Variants in DTNA observed in about 807,000 individuals in gnomAD.
The protein encoded by DTNA is dystrobrevin alpha, also known as dystrophin-related protein 3.
DTNA carries 43 observed loss-of-function variants against 100.7 expected under a neutral mutation model. The ratio of observed to expected loss-of-function variants is 0.43; its 90% CI spans 0.33 to 0.55. DTNA has a LOEUF of 0.55. DTNA is among the 20% of genes least tolerant of loss of function. DTNA has a pLI of 0.04. For missense variants in DTNA, 798 were observed against 953.9 expected (o/e 0.84, Z 2.15); for synonymous variants, 349 against 347.9 (o/e 1.00, Z -0.04).
intron 16 of DTNA, among the ~76,000 whole-genome samples, chr18:34,859,418 A>G (rs1168946475): frequency 5.9e-5 from 9 of 152,202 alleles, no homozygotes; most frequent in Admixed American, 5.2e-4. Flanking sequence ...TAAATACCCT[A>G]TGGAGGTTTC....
rs762579551 is a variant in DTNA at position 34,848,346 on chromosome 18, G to A, written c.1397G>A (p.Arg466Lys). The change falls in exon 14 of 23, where the codon AGG becomes AAG. Residue 466 changes from arginine (R) to lysine (K), a missense_variant. Around this residue, in one of 6 missense-constraint regions of DTNA, gnomAD observed 159 missense variants for 201.2 expected, o/e 0.79. Coordinates refer to ENST00000444659, the MANE Select transcript of DTNA (RefSeq NM_001386795.1). ...GATGAAGAACACAGGCTAATTGCCAGGTATGCGGCAAGGCTGGCAGCAGAG... is the reference window on the plus strand; with the variant it reads ...GATGAAGAACACAGGCTAATTGCCAAGTATGCGGCAAGGCTGGCAGCAGAG... Reference protein sequence around the residue: ...RLDEEHRLIARYAARLAAESS... With the variant: ...RLDEEHRLIAKYAARLAAESS... The A allele has an allele frequency of 6.2e-7, 1 of 1,614,076 alleles. No individual in the cohort carries two copies. The highest frequency in any genetic ancestry group is 8.5e-7 in the Non-Finnish European group (1 of 1,179,956).
chr18:34,722,036 T>C (rs2085448778), intron 1 of DTNA, among the ~76,000 whole-genome samples: 1 of 152,148 alleles, frequency 6.6e-6, no homozygotes, highest in Non-Finnish European at 1.5e-5. Context: ...TCCCCTTTCC[T>C]TATACTCCTT....
intron 1 of DTNA, among the ~76,000 whole-genome samples, chr18:34,626,850 A>C (rs1003421806): frequency 3.3e-5 from 5 of 152,204 alleles, no homozygotes; most frequent in Non-Finnish European, 5.9e-5. Flanking sequence ...TTATTGTTTA[A>C]GGGTGTCTCA....
Position 34,890,652 on chromosome 18 carries a change from C to A in DTNA, c.*2918C>A. On this transcript the variant is annotated 3_prime_UTR_variant, in exon 23 of 23. Transcript: ENST00000444659. ...AAGGTGAAATCTACTGCATGGGATTCAGGAAACAGTTGTGGTTGGTCAGGA... is the reference window on the plus strand; with the variant it reads ...AAGGTGAAATCTACTGCATGGGATTAAGGAAACAGTTGTGGTTGGTCAGGA... 1 of 792,078 alleles carries A rather than the reference C, an allele frequency of 1.3e-6. No homozygotes were observed. The highest frequency in any genetic ancestry group is 2.8e-5 in the East Asian group (1 of 36,024). 49.1% of individuals were successfully genotyped at this position (792,078 alleles called of 1,614,324 possible).
chr18:34,837,195 G>A (rs1002125572), intron 11 of DTNA, among the ~76,000 whole-genome samples: 20 of 152,208 alleles, frequency 1.3e-4, no homozygotes, highest in African/African-American at 4.6e-4. Flanking sequence ...TCACCAGTGT[G>A]CAGGACAAAT....
At chr18:34,614,356 A>G (rs770179082) in intron 1 of DTNA, among the ~76,000 whole-genome samples, 4 of 152,218 alleles carry the variant, frequency 2.6e-5, no homozygotes, top group African/African-American at 4.8e-5. Flanking sequence ...TCTGTAGACC[A>G]TAGATCAAGA....
intron 4 of DTNA, among the ~76,000 whole-genome samples, chr18:34,802,144 T>C (rs2095237620): frequency 6.6e-6 from 1 of 152,268 alleles, no homozygotes; most frequent in Non-Finnish European, 1.5e-5. Flanking sequence ...ACTTTTTCTG[T>C]GCACTTCCTG....
chr18:34,662,494 G>C (rs182265578), intron 1 of DTNA, among the ~76,000 whole-genome samples: 13 of 152,234 alleles, frequency 8.5e-5, no homozygotes, highest in African/African-American at 2.9e-4. Flanking sequence ...TCTCATGACT[G>C]ATTACCCAAG....
intron 1 of DTNA, among the ~76,000 whole-genome samples, chr18:34,722,602 T>TACACACAC (rs1299705114): frequency 2.3e-5 from 3 of 132,418 alleles, no homozygotes; most frequent in African/African-American, 9.1e-5. Flanking sequence ...CATATATATA[T>TACACACAC]ACATACACAC....
At chr18:34,578,571 A>T (rs974243105) in intron 1 of DTNA, among the ~76,000 whole-genome samples, 2 of 151,710 alleles carry the variant, frequency 1.3e-5, no homozygotes, top group African/African-American at 4.9e-5. Flanking sequence ...GGTTTTTTTG[A>T]TGTTATCTTC....
chr18:34,522,844 G>A (rs1218382616), intron 1 of DTNA, among the ~76,000 whole-genome samples: 7 of 152,234 alleles, frequency 4.6e-5, no homozygotes, highest in African/African-American at 1.7e-4. Flanking sequence ...CATCAGAGCA[G>A]ATGGGCCCAA....
At chr18:34,608,471 A>G (rs2147414079) in intron 1 of DTNA, among the ~76,000 whole-genome samples, 1 of 152,108 alleles carries the variant, frequency 6.6e-6, no homozygotes, top group East Asian at 1.9e-4. Context: ...TTTCTACTCA[A>G]ATATTCAGAA....
chr18:34,601,759 C>A (rs1032776894), intron 1 of DTNA, among the ~76,000 whole-genome samples: 3 of 152,202 alleles, frequency 2.0e-5, no homozygotes, highest in African/African-American at 7.2e-5. Context: ...ATGTCTGTGA[C>A]CTTTTCTGTC....
chr18:34,750,522 G>A (rs1261890289), intron 1 of DTNA, among the ~76,000 whole-genome samples: 1 of 152,080 alleles, frequency 6.6e-6, no homozygotes, highest in Non-Finnish European at 1.5e-5. Flanking sequence ...CTGGAATAAG[G>A]TTACTGGTGA....
chr18:34,516,254 A>T (rs981473007), intron 1 of DTNA, among the ~76,000 whole-genome samples: 2 of 152,090 alleles, frequency 1.3e-5, no homozygotes, highest in African/African-American at 4.8e-5. Context: ...TTTATTAGTG[A>T]TTTTAAAAGG....
chr18:34,875,359 A>G lies in DTNA; in HGVS notation c.1864A>G (p.Thr622Ala). The change falls in exon 18 of 23, where the codon ACA becomes GCA. Residue 622 changes from threonine (T) to alanine (A), a missense_variant. Transcript: ENST00000444659. ...GACGCACACGCCGCAGGACTCCCTC[A>G]CAGGAGTAGGGGGAGATGTACAAGA... ...TPTHTPQDSL[T>A]GVGGDVQEAF... The G allele has an allele frequency of 6.2e-7, 1 of 1,614,174 alleles. No homozygotes were observed. Among genetic ancestry groups the G allele is most frequent in the Non-Finnish European group, 8.5e-7 (1 of 1,180,028 alleles).
intron 1 of DTNA, among the ~76,000 whole-genome samples, chr18:34,607,015 A>G (rs1449183854): frequency 6.6e-6 from 1 of 152,190 alleles, no homozygotes; most frequent in Non-Finnish European, 1.5e-5. Context: ...CATTCCCACG[A>G]AAGGGACTGA....
intron 1 of DTNA, among the ~76,000 whole-genome samples, chr18:34,666,605 A>G (rs1163058280): frequency 2.6e-5 from 4 of 152,254 alleles, no homozygotes; most frequent in African/African-American, 4.8e-5. Context: ...TGTACAAGGT[A>G]TAAGGAAGGG....
chr18:34,694,537 C>A (rs2080239324), intron 1 of DTNA, among the ~76,000 whole-genome samples: 2 of 152,154 alleles, frequency 1.3e-5, no homozygotes, highest in African/African-American at 4.8e-5. Flanking sequence ...ATGTAGCTCT[C>A]AATTTTGTCT....
Sources: gnomAD v4.1 joint callset for allele counts (sites outside exome capture counted in the v4.1 genomes callset) on GRCh38, gnomAD v4.1.1 for gene constraint, gnomAD v4.1.1 regional missense constraint, MANE v1.5 for transcripts, NCBI Gene and HGNC (gene_info 2026-07-23, HGNC 2026-07-21) for gene names.